The following TMC4 variants were observed in gnomAD, a reference collection of about 807,000 sequenced individuals.
TMC4 encodes the protein voltage-gated chloride channel TMC4.
TMC4 carries 70 observed loss-of-function variants against 82.0 expected under a neutral mutation model. That is an observed-to-expected ratio of 0.85 (90% CI 0.70 to 1.04). TMC4 has a LOEUF of 1.04. TMC4 is among the 50% of genes least tolerant of loss of function. The pLI is 0.00. For synonymous variants in TMC4, 446 were observed against 406.0 expected (o/e 1.10, Z -1.18); for missense variants, 879 against 899.0 (o/e 0.98, Z 0.28).
intron 5 of TMC4, 39 bp from the exon 6 acceptor site, chr19:54,165,605 A>T: frequency 6.3e-7 from 1 of 1,580,636 alleles, no homozygotes; most frequent in Middle Eastern, 2.0e-4. Flanking sequence ...GTGAAAGGAC[A>T]GCCAGGAACG....
intron 5 of TMC4, among the ~76,000 whole-genome samples, chr19:54,166,725 G>A (rs955572952): frequency 4.6e-5 from 7 of 151,848 alleles, no homozygotes; most frequent in African/African-American, 1.2e-4. Context: ...AGACCGAGGC[G>A]GGTGCATCAC....
rs765359478 is a variant in TMC4, at chr19:54,161,234, C to G, written c.1713G>C (p.Pro571=). 2 of 1,561,918 alleles carry G rather than the reference C, an allele frequency of 1.3e-6. No homozygotes were observed. The highest frequency in any genetic ancestry group is 2.0e-5 in the Admixed American group (1 of 50,718). ...KKLTLFSTCS[P]AARTFRASAA... ...CGGAGGCCCGGAAGGTGCGGGCAGCCGGGGAGCAGGTGGAGAAGAGGGTAA... is the reference window on the plus strand; with the variant it reads ...CGGAGGCCCGGAAGGTGCGGGCAGCGGGGGAGCAGGTGGAGAAGAGGGTAA... Residue 571 remains proline, a synonymous_variant, in exon 12 of 15, where the codon CCG becomes CCC. Transcript: ENST00000619895.
intron 5 of TMC4, among the ~76,000 whole-genome samples, chr19:54,166,229 A>C (rs1287936069): frequency 6.6e-6 from 1 of 150,676 alleles, no homozygotes; most frequent in African/African-American, 2.4e-5. Context: ...AAATACAAAA[A>C]TTAGCCAGGC....
intron 10 of TMC4, 104 bp from the exon 11 acceptor site, chr19:54,162,389 T>TGGGGGGGGGG (rs779701144): frequency 6.3e-5 from 16 of 255,570 alleles, no homozygotes; most frequent in East Asian, 2.3e-4. Flanking sequence ...GTATTGGTGG[T>TGGGGGGGGGG]GGGGGGGGGG....
rs1322138821 is a variant in TMC4 at position 54,169,006 on chromosome 19, ATATATTTTTTTT to A, written c.443-338_443-327del. Among the ~76,000 whole-genome samples, 30 of 6,480 alleles carry A rather than the reference ATATATTTTTTTT, an allele frequency of 4.6e-3. 2 individuals carry two copies. Among genetic ancestry groups the A allele is most frequent in the Admixed American group, 9.1e-3 (4 of 438 alleles). The allele number at this position is 6,480 out of a possible 152,430, so 4.3% of individuals were successfully genotyped here. ...TCTCTCTCTCTCTCTATATATATAT[ATATATTTTTTTT>A]TTTTTCTTTTCTTTTCTTTTCTTTT... On this transcript the variant is annotated intron_variant, in intron 3 of 14. Coordinates refer to ENST00000619895, the MANE Select transcript of TMC4 (RefSeq NM_144686.4).
chr19:54,166,323 CAAA>C (rs58329832), intron 5 of TMC4, among the ~76,000 whole-genome samples: 4 of 108,024 alleles, frequency 3.7e-5, no homozygotes, highest in African/African-American at 6.9e-5. Context: ...AGGTCGCCTC[CAAA>C]AAAAAAAAAA....
rs1265458773 is a variant in TMC4 at position 54,165,490 on chromosome 19, C to T, written c.874G>A (p.Ala292Thr). 5.6e-6 allele frequency: 9 copies of T among 1,612,940 alleles called. No homozygotes were observed. The highest frequency in any genetic ancestry group is 6.8e-6 in the Non-Finnish European group (8 of 1,179,536). Residue 292 changes from alanine to threonine, a missense_variant, in exon 6 of 15, where the codon GCC (alanine) becomes ACC (threonine). Coordinates refer to ENST00000619895, the MANE Select transcript of TMC4 (RefSeq NM_144686.4). ...LTSYSHRVFS[A>T]WDFGLCGDVH... is the part of the protein sequence containing the mutation. ...TCCCCGCAGAGACCGAAGTCCCAGG[C>T]CGAGAACACCCGGTGGCTGTAGCTG...
chr19:54,169,719 G>T, intron 2 of TMC4, 59 bp from the exon 3 acceptor site: 1 of 1,594,656 alleles, frequency 6.3e-7, no homozygotes, highest in Admixed American at 1.7e-5. Flanking sequence ...GGAACCATCT[G>T]AATGTAGACA....
Position 54,168,216 on chromosome 19 carries a change from C to A in TMC4, c.752G>T (p.Trp251Leu), listed in dbSNP as rs780492816. Residue 251 changes from tryptophan (W) to leucine (L), a missense_variant, in exon 5 of 15, where the codon TGG becomes TTG. Coordinates refer to ENST00000619895, the MANE Select transcript of TMC4 (RefSeq NM_144686.4). ...RPRLAVTYLCWAFAVGLICLL... is the reference protein window; with the variant it reads ...RPRLAVTYLCLAFAVGLICLL... ...GCAGATGAGGCCAACGGCAAAGGCC[C>A]AGCACAGGTAGGTGACCGCCAGGCG... The A allele has an allele frequency of 6.3e-7, 1 of 1,595,468 alleles. No homozygotes were observed. Among genetic ancestry groups the A allele is most frequent in the East Asian group, 2.3e-5 (1 of 44,060 alleles).
chr19:54,173,094 T>C lies in TMC4; in HGVS notation c.24A>G (p.Glu8=), dbSNP rs2075955220. MEENPTL[E]SEAWGSSREW... is the part of the protein sequence containing the mutation. ...CCCTAGAGGAGCCCCAGGCTTCTGA[T>C]TCCAAGGTCGGGTTTTCTTCCATGG... is the stretch of plus-strand genomic sequence containing the variant. Residue 8 remains glutamate (E), a synonymous_variant, in exon 1 of 15, where the codon GAA becomes GAG. Transcript: ENST00000619895. The C allele has an allele frequency of 1.3e-6, 2 of 1,594,494 alleles. No individual in the cohort carries two copies. Among genetic ancestry groups the C allele is most frequent in the South Asian group, 1.1e-5 (1 of 90,470 alleles).
In TMC4 at chr19:54,162,693, C is replaced by T. The variant is rs556850258; in HGVS notation, c.1482G>A (p.Leu494=). The T allele has an allele frequency of 6.2e-7, 1 of 1,613,948 alleles. No individual in the cohort carries two copies. Among genetic ancestry groups the T allele is most frequent in the East Asian group, 2.2e-5 (1 of 44,872 alleles). ...FDLLTVLAVA[L]LIQFPRKLLC... is the part of the protein sequence containing the mutation. ...CTCACTTTCTAGGAAACTGGATGAG[C>T]AGCGCGACTGCCAAGACAGTCAGCA... Residue 494 remains leucine, a synonymous_variant, in exon 10 of 15, where the codon CTG becomes CTA. Transcript: ENST00000619895.
At chr19:54,160,842 A>T (rs376847455) in intron 13 of TMC4, 36 bp downstream of exon 13, 1 of 1,609,784 alleles carries the variant, frequency 6.2e-7, no homozygotes, top group Non-Finnish European at 8.5e-7. Context: ...GATCACACGC[A>T]TTCAAACCCA....
At chr19:54,162,984 C>CT in intron 9 of TMC4, 49 bp downstream of exon 9, 2 of 1,613,932 alleles carry the variant, frequency 1.2e-6, no homozygotes, top group Non-Finnish European at 1.7e-6. Flanking sequence ...CCAGCTCCAT[C>CT]TTTCCTTCAG....
chr19:54,160,599 A>G, intron 13 of TMC4, 54 bp from the exon 14 acceptor site: 2 of 1,612,420 alleles, frequency 1.2e-6, no homozygotes, highest in Non-Finnish European at 1.7e-6. Flanking sequence ...ATTATATCCA[A>G]ACGTCTGGCT....
Position 54,160,529 on chromosome 19 carries a change from T to C in TMC4, c.1990A>G (p.Thr664Ala). ...CCGTAGGAGTTAGCCAGAGCCACAG[T>C]GTACGCCATCAGGATGCTGAAGGAG... is the stretch of plus-strand genomic sequence containing the variant. ...LLISSILMAY[T>A]VALANSYGRL... is the part of the protein sequence containing the mutation. The change falls in exon 14 of 15, where the codon ACT (threonine) becomes GCT (alanine). Residue 664 changes from threonine (T) to alanine (A), a missense_variant. Transcript: ENST00000619895. 4 of 1,614,166 alleles carry C rather than the reference T, an allele frequency of 2.5e-6. No individual in the cohort carries two copies. The highest frequency in any genetic ancestry group is 1.1e-5 in the South Asian group (1 of 91,084).
intron 9 of TMC4, 110 bp from the exon 10 acceptor site, chr19:54,162,880 TG>T (rs913968955): frequency 2.6e-6 from 4 of 1,516,150 alleles, no homozygotes; most frequent in Non-Finnish European, 3.6e-6. Context: ...ATACTTTCTC[TG>T]GGGGTCCTCG....
intron 13 of TMC4, 151 bp downstream of exon 13, chr19:54,160,727 T>C (rs1396983626): frequency 3.5e-6 from 5 of 1,408,720 alleles, no homozygotes; most frequent in Non-Finnish European, 4.8e-6. Context: ...ACCTCCTCCT[T>C]CGGACCCAGC....
At chr19:54,163,634 C>T (rs1358218101) in intron 8 of TMC4, 90 bp downstream of exon 8, 5 of 1,463,292 alleles carry the variant, frequency 3.4e-6, no homozygotes, top group Non-Finnish European at 4.8e-6. Flanking sequence ...TCGGTATCAG[C>T]AGGATTTCCG....
chr19:54,164,753 T>C (rs36653), intron 6 of TMC4, 152 bp from the exon 7 acceptor site: 718,664 of 975,786 alleles, frequency 0.74, 268,113 homozygotes, highest in African/African-American at 0.91. Flanking sequence ...TGGTTCCACC[T>C]GCTCCAGGAA....
Sources: allele counts gnomAD v4.1 joint callset (sites outside exome capture counted in the v4.1 genomes callset), GRCh38; gene constraint gnomAD v4.1.1; transcripts MANE v1.5; gene names NCBI Gene and HGNC (gene_info 2026-07-23, HGNC 2026-07-21).